Variants in DOCK1 observed in about 807,000 individuals in gnomAD.
The protein encoded by DOCK1 is dedicator of cytokinesis protein 1.
In DOCK1, 138 loss-of-function variants were observed where a neutral mutation model predicts 262.7. The ratio of observed to expected loss-of-function variants is 0.53; its 90% CI spans 0.46 to 0.61. The LOEUF (loss-of-function observed/expected upper bound fraction) is 0.61. Among genes scored for constraint, DOCK1 ranks in the 20% least tolerant of loss-of-function variants. DOCK1 has a pLI of 0.00. For missense variants in DOCK1, 1,908 were observed against 2,370.7 expected (o/e 0.80, Z 4.05); for synonymous variants, 866 against 867.4 (o/e 1.00, Z 0.03).
chr10:127,040,448 G>A (rs572914149), intron 19 of DOCK1, among the ~76,000 whole-genome samples: 41 of 152,144 alleles, frequency 2.7e-4, no homozygotes, highest in African/African-American at 7.5e-4. Context: ...CATGCTGGGC[G>A]TCCTCTCTCC....
Position 127,452,496 on chromosome 10 carries a change from A to C in DOCK1, c.*1069A>C, listed in dbSNP as rs535453213. 6.5e-6 allele frequency: 1 copy of C among 152,808 alleles called. No individual in the cohort carries two copies. The highest frequency in any genetic ancestry group is 2.4e-5 in the African/African-American group (1 of 41,598). The allele number at this position is 152,808 out of a possible 1,614,324, so 9.5% of individuals were successfully genotyped here. A position where few individuals can be genotyped will look rare whatever the true frequency, so the allele number is the denominator to read the frequency against. ...AAAAGTTAATCATTGACAACGAAAA[A>C]TAAAATGTTATTTTAAAAGACTCAC... is the stretch of plus-strand genomic sequence containing the variant. On this transcript the variant is annotated 3_prime_UTR_variant, in exon 52 of 52. Coordinates refer to ENST00000623213, the MANE Select transcript of DOCK1 (RefSeq NM_001290223.2).
At chr10:127,259,395 GTGTCTTTAATGGC>G (rs2059936617) in intron 29 of DOCK1, among the ~76,000 whole-genome samples, 1 of 152,230 alleles carries the variant, frequency 6.6e-6, no homozygotes. Context: ...CTAGAGCGTT[GTGTCTTTAATGGC>G]TGTATTTTGC....
intron 1 of DOCK1, among the ~76,000 whole-genome samples, chr10:126,962,886 AT>A (rs2037336475): frequency 1.3e-5 from 2 of 152,192 alleles, no homozygotes; most frequent in South Asian, 4.1e-4. Flanking sequence ...TCTTTCATCC[AT>A]TTTGAGTTAA....
At chr10:127,273,708 C>T (rs1344124631) in intron 29 of DOCK1, among the ~76,000 whole-genome samples, 1 of 152,026 alleles carries the variant, frequency 6.6e-6, no homozygotes, top group East Asian at 1.9e-4. Flanking sequence ...ACGACGCAAC[C>T]CCATCTCTAC....
chr10:127,084,111 C>T (rs1355731258), intron 23 of DOCK1, among the ~76,000 whole-genome samples: 1 of 152,134 alleles, frequency 6.6e-6, no homozygotes, highest in African/African-American at 2.4e-5. Context: ...AAATCCTTCA[C>T]CCATAATCTC....
intron 27 of DOCK1, among the ~76,000 whole-genome samples, chr10:127,213,255 TGTAA>T (rs938703032): frequency 5.3e-5 from 8 of 152,230 alleles, no homozygotes; most frequent in Admixed American, 3.9e-4. Flanking sequence ...TGGGCATCAG[TGTAA>T]GTAAGAAGTA....
chr10:127,221,728 G>C (rs1045209970), intron 27 of DOCK1, among the ~76,000 whole-genome samples: 1 of 152,212 alleles, frequency 6.6e-6, no homozygotes, highest in African/African-American at 2.4e-5. Flanking sequence ...TGCAACTCAG[G>C]GGAAGTGGTG....
rs562542227 is a variant in DOCK1 at position 127,024,808 on chromosome 10, C to T, written c.1551+25C>T. The T allele has an allele frequency of 7.5e-5, 116 of 1,550,218 alleles. 2 individuals carry two copies. In the South Asian group the frequency reaches 1.3e-3, roughly 17 times the overall value. On this transcript the variant is annotated intron_variant, in intron 15 of 51. Coordinates refer to ENST00000623213, the MANE Select transcript of DOCK1 (RefSeq NM_001290223.2). ...GGTATTATTTACATGGTCATTTTAT[C>T]ACATGGCGCTGATTATGAAATGCTC...
intron 29 of DOCK1, among the ~76,000 whole-genome samples, chr10:127,318,918 G>C (rs1294598144): frequency 6.6e-6 from 1 of 152,212 alleles, no homozygotes; most frequent in Non-Finnish European, 1.5e-5. Flanking sequence ...AGGGAGGTCT[G>C]GGAAAGGCTT....
chr10:127,407,348 C>T (rs1219657826), intron 40 of DOCK1, among the ~76,000 whole-genome samples: 4 of 152,230 alleles, frequency 2.6e-5, no homozygotes, highest in South Asian at 2.1e-4. Context: ...TGGCGCCTTC[C>T]ACCTGTTCTC....
intron 32 of DOCK1, among the ~76,000 whole-genome samples, chr10:127,356,447 G>T (rs1328957290): frequency 6.6e-6 from 1 of 152,174 alleles, no homozygotes; most frequent in Non-Finnish European, 1.5e-5. Context: ...GTAATAACGT[G>T]CTAAGGCTTT....
rs555324005 is a variant in DOCK1, at chr10:127,411,561, C to G, written c.4428+637C>G. On this transcript the variant is annotated intron_variant, in intron 43 of 51. Transcript: ENST00000623213. ...ACAACCAATCAAAAAGATTTCCAGGCCAGGCATGGTGGCTCACACCTGTAA... is the reference window on the plus strand; with the variant it reads ...ACAACCAATCAAAAAGATTTCCAGGGCAGGCATGGTGGCTCACACCTGTAA... 1.0e-3 allele frequency among the ~76,000 whole-genome samples: 156 copies of G among 152,300 alleles called. 1 individual carries two copies. The highest frequency in any genetic ancestry group is 1.7e-3 in the Non-Finnish European group (114 of 68,028).
intron 27 of DOCK1, among the ~76,000 whole-genome samples, chr10:127,215,503 A>G (rs1564909741): frequency 6.6e-6 from 1 of 152,354 alleles, no homozygotes; most frequent in Non-Finnish European, 1.5e-5. Context: ...CTGTAGCTAC[A>G]TTCTGTACCT....
chr10:126,970,898 T>C, intron 2 of DOCK1, 113 bp downstream of exon 2: 1 of 1,196,390 alleles, frequency 8.4e-7, no homozygotes, highest in Non-Finnish European at 1.1e-6. Context: ...CAGTCATGCT[T>C]CCTTCTCAGG....
At chr10:127,088,796 G>A (rs1040916194) in intron 23 of DOCK1, among the ~76,000 whole-genome samples, 5 of 152,054 alleles carry the variant, frequency 3.3e-5, no homozygotes, top group East Asian at 3.9e-4. Flanking sequence ...GTATGACTGC[G>A]CCTCCCTCAG....
At chr10:127,198,127 A>G (rs1456101912) in intron 27 of DOCK1, among the ~76,000 whole-genome samples, 2 of 152,120 alleles carry the variant, frequency 1.3e-5, no homozygotes, top group Non-Finnish European at 2.9e-5. Context: ...AGAGATGCTT[A>G]ATTTTGTGTG....
intron 23 of DOCK1, among the ~76,000 whole-genome samples, chr10:127,085,334 G>C (rs1353834737): frequency 4.6e-5 from 7 of 152,176 alleles, no homozygotes; most frequent in Non-Finnish European, 7.3e-5. Context: ...GGGGGTACAG[G>C]TGGCAGTAAT....
chr10:127,374,710 C>A (rs1396158812), intron 35 of DOCK1, among the ~76,000 whole-genome samples: 7 of 152,160 alleles, frequency 4.6e-5, no homozygotes, highest in Non-Finnish European at 1.0e-4. Flanking sequence ...GAGGTACTAA[C>A]TCCAATGACA....
chr10:127,180,121 T>C (rs1462122746), intron 27 of DOCK1, among the ~76,000 whole-genome samples: 1 of 152,234 alleles, frequency 6.6e-6, no homozygotes, highest in African/African-American at 2.4e-5. Flanking sequence ...AAGTGATCCA[T>C]GATAAACTTG....
Sources: allele counts gnomAD v4.1 joint callset (sites outside exome capture counted in the v4.1 genomes callset), GRCh38; gene constraint gnomAD v4.1.1; transcripts MANE v1.5; gene names NCBI Gene and HGNC (gene_info 2026-07-23, HGNC 2026-07-21).